Variants in ZNF57 observed in about 807,000 individuals in gnomAD.
ZNF57 encodes zinc finger protein 57.
A neutral mutation model predicts 13.4 loss-of-function variants in ZNF57; 11 were observed. The ratio of observed to expected loss-of-function variants is 0.82; its 90% CI spans 0.52 to 1.36. ZNF57 has a LOEUF of 1.36. Among genes scored for constraint, ZNF57 ranks in the 40% most tolerant of loss-of-function variants. ZNF57 has a pLI of 0.00. For synonymous variants in ZNF57, 224 were observed against 238.5 expected (o/e 0.94, Z 0.56); for missense variants, 696 against 667.5 (o/e 1.04, Z -0.47).
intron 1 of ZNF57, among the ~76,000 whole-genome samples, chr19:2,911,567 G>A (rs1358261812): frequency 6.6e-6 from 1 of 151,806 alleles, no homozygotes; most frequent in South Asian, 2.1e-4. Flanking sequence ...AAAAAACTTT[G>A]TAAAGACAGG....
rs145684896 is a variant in ZNF57 at position 2,901,004 on chromosome 19, C to G, written c.-42C>G. 3.7e-3 allele frequency: 5,699 copies of G among 1,552,818 alleles called. 16 individuals carry two copies. Among genetic ancestry groups the G allele is most frequent in the Non-Finnish European group, 4.4e-3 (5,085 of 1,147,372 alleles). On this transcript the variant is annotated 5_prime_UTR_variant, in exon 1 of 4. Coordinates refer to ENST00000306908, the MANE Select transcript of ZNF57 (RefSeq NM_173480.3). ...CCTTTCAGCTGCGCCGGCCGCGAGG[C>G]CACGGAGAGCTCGCCTTGGAGAGCC...
At chr19:2,911,426 G>T (rs960019724) in intron 1 of ZNF57, among the ~76,000 whole-genome samples, 3 of 152,056 alleles carry the variant, frequency 2.0e-5, no homozygotes, top group Non-Finnish European at 4.4e-5. Context: ...CCAGCTGCTC[G>T]GGAGGCTGAT....
chr19:2,905,132 A>G (rs1415810977), intron 1 of ZNF57, among the ~76,000 whole-genome samples: 2 of 152,096 alleles, frequency 1.3e-5, no homozygotes, highest in Middle Eastern at 3.4e-3. Flanking sequence ...GTGTTGGTCT[A>G]TTTGTCCATC....
rs796590616 is a variant in ZNF57, at chr19:2,910,793, C to A, written c.4-4729C>A. Among the ~76,000 whole-genome samples the A allele has an allele frequency of 4.1e-3, 229 of 56,000 alleles. 50 individuals carry two copies. The highest frequency in any genetic ancestry group is 9.2e-3 in the African/African-American group (188 of 20,364). The allele number at this position is 56,000 out of a possible 152,430, so 36.7% of individuals were successfully genotyped here. ...ATATTTTTAGTAGAGACGGGGTTTC[C>A]CTGTGTTGGCCAGGATGGTCTCCAT... On this transcript the variant is annotated intron_variant, in intron 1 of 3. Transcript: ENST00000306908.
intron 1 of ZNF57, 127 bp downstream of exon 1, chr19:2,901,175 C>T: frequency 8.0e-7 from 1 of 1,247,538 alleles, no homozygotes; most frequent in Middle Eastern, 2.6e-4. Flanking sequence ...GGACTAGCAC[C>T]TGGGACCCGG....
In ZNF57 at chr19:2,910,801, G is replaced by A. The variant is rs545177044; in HGVS notation, c.4-4721G>A. On this transcript the variant is annotated intron_variant, in intron 1 of 3. Coordinates refer to ENST00000306908, the MANE Select transcript of ZNF57 (RefSeq NM_173480.3). Reference sequence around the variant, plus strand: ...AGTAGAGACGGGGTTTCCCTGTGTTGGCCAGGATGGTCTCCATCTCCTGAC... The same window carrying A: ...AGTAGAGACGGGGTTTCCCTGTGTTAGCCAGGATGGTCTCCATCTCCTGAC... Among the ~76,000 whole-genome samples the A allele has an allele frequency of 5.0e-3, 256 of 51,228 alleles. 54 individuals are homozygous for A. The highest frequency in any genetic ancestry group is 0.011 in the African/African-American group (213 of 19,134). 33.6% of individuals were successfully genotyped at this position (51,228 alleles called of 152,430 possible).
chr19:2,917,139 G>A lies in ZNF57; in HGVS notation c.518G>A (p.Cys173Tyr), dbSNP rs764797396. 52 of 1,613,932 alleles carry A rather than the reference G, an allele frequency of 3.2e-5. No individual in the cohort carries two copies. The Admixed American group carries it at 8.2e-4, about 25-fold the overall frequency. Residue 173 changes from cysteine (C) to tyrosine (Y), a missense_variant, in exon 4 of 4, where the codon TGT becomes TAT. Physicochemically the swap from Cys to Tyr is radical, Grantham distance 194 (BLOSUM62 -2). Coordinates refer to ENST00000306908, the MANE Select transcript of ZNF57 (RefSeq NM_173480.3). ...CGRKAPPGEE[C>Y]KQACICPSHL... Reference sequence around the variant, plus strand: ...CGAAAAGCACCTCCAGGTGAGGAATGTAAGCAGGCCTGCATTTGTCCCTCA... The same window carrying A: ...CGAAAAGCACCTCCAGGTGAGGAATATAAGCAGGCCTGCATTTGTCCCTCA...
Position 2,917,533 on chromosome 19 carries a change from A to G in ZNF57, c.912A>G (p.Gly304=), listed in dbSNP as rs2088218400. 6.2e-7 allele frequency: 1 copy of G among 1,614,110 alleles called. No homozygotes were observed. The highest frequency in any genetic ancestry group is 2.2e-5 in the East Asian group (1 of 44,872). ...AAAGACATGAGAAGACGCACACGGG[A>G]GAGAAGCCCTATGAATGCAAGCAGT... is the stretch of plus-strand genomic sequence containing the variant. ...AFQRHEKTHT[G]EKPYECKQCG... is the part of the protein sequence containing the mutation. The change falls in exon 4 of 4, where the codon GGA becomes GGG. Residue 304 remains glycine, a synonymous_variant. Transcript: ENST00000306908.
intron 1 of ZNF57, among the ~76,000 whole-genome samples, chr19:2,909,410 A>G (rs2088113914): frequency 1.6e-5 from 1 of 62,776 alleles, no homozygotes; most frequent in Admixed American, 1.8e-4. Flanking sequence ...CCTCCCGAGT[A>G]GCTGGGACTA....
At chr19:2,909,297 T>C (rs1466812363) in intron 1 of ZNF57, among the ~76,000 whole-genome samples, 1 of 134,846 alleles carries the variant, frequency 7.4e-6, no homozygotes, top group African/African-American at 2.7e-5. Flanking sequence ...TTTTTTTTTT[T>C]TGAGACAGAG....
At position 2,917,194 on chromosome 19, in the gene ZNF57, T is replaced by C. The variant is rs1430418334; in HGVS notation, c.573T>C (p.Thr191=). The C allele has an allele frequency of 1.2e-6, 2 of 1,614,080 alleles. No homozygotes were observed. The highest frequency in any genetic ancestry group is 1.3e-5 in the African/African-American group (1 of 74,926). ...SHLHSHGRTD[T]EEKPYKCQAC... ...TACACAGTCACGGAAGAACTGACAC[T>C]GAGGAGAAGCCGTATAAGTGTCAAG... Residue 191 remains threonine, a synonymous_variant, in exon 4 of 4, where the codon ACT becomes ACC. Coordinates refer to ENST00000306908, the MANE Select transcript of ZNF57 (RefSeq NM_173480.3).
At chr19:2,913,166 C>G (rs1025899898) in intron 1 of ZNF57, among the ~76,000 whole-genome samples, 2 of 152,174 alleles carry the variant, frequency 1.3e-5, no homozygotes, top group Non-Finnish European at 2.9e-5. Flanking sequence ...ATTGGCTCAG[C>G]TGGTCTCAAA....
At chr19:2,914,573 A>C (rs966854863) in intron 1 of ZNF57, among the ~76,000 whole-genome samples, 2 of 152,124 alleles carry the variant, frequency 1.3e-5, no homozygotes, top group Non-Finnish European at 2.9e-5. Context: ...CATTTTCATT[A>C]AGTATTTTCT....
chr19:2,915,759 G>A (rs1206337248), intron 2 of ZNF57, 111 bp downstream of exon 2: 1 of 1,496,022 alleles, frequency 6.7e-7, no homozygotes, highest in African/African-American at 1.4e-5. Flanking sequence ...CATGTTCACA[G>A]CCACCATGGA....
Position 2,917,453 on chromosome 19 carries a change from A to T in ZNF57, c.832A>T (p.Lys278Ter), listed in dbSNP as rs914594211. The T allele has an allele frequency of 3.7e-6, 6 of 1,614,060 alleles. No homozygotes were observed. The African/African-American group carries it at 8.0e-5, about 22-fold the overall frequency. The part of the protein sequence containing the change: ...QRHMTTHTGE[K>*]PYKCQHCGKA... ...ACACATGACAACACACACTGGAGAG[A>T]AGCCCTATAAATGTCAGCACTGTGG... is the stretch of plus-strand genomic sequence containing the variant. Residue 278 changes from lysine to a stop codon, truncating the protein, a stop_gained, in exon 4 of 4, where the codon AAG (lysine) becomes TAG (stop). Coordinates refer to ENST00000306908, the MANE Select transcript of ZNF57 (RefSeq NM_173480.3). LOFTEE classifies it low-confidence loss of function (END_TRUNC).
intron 1 of ZNF57, among the ~76,000 whole-genome samples, chr19:2,909,267 T>TTTTA (rs1394506050): frequency 4.9e-4 from 66 of 135,636 alleles, no homozygotes; most frequent in Non-Finnish European, 7.5e-4. Context: ...ATAGATTTTA[T>TTTTA]TTTATTTATT....
intron 3 of ZNF57, chr19:2,916,660 G>A (rs1246011827): frequency 3.6e-6 from 1 of 281,636 alleles, no homozygotes; most frequent in Non-Finnish European, 6.6e-6. Flanking sequence ...AGCTTGCAGT[G>A]AGCTGAGATT....
intron 1 of ZNF57, among the ~76,000 whole-genome samples, chr19:2,910,457 C>CTTTTTTTTTTT (rs1212426647): frequency 2.3e-4 from 2 of 8,634 alleles, no homozygotes; most frequent in African/African-American, 5.4e-4. Context: ...CTTTTCTTTT[C>CTTTTTTTTTTT]TTTTTTTTTT....
At chr19:2,907,225 C>T (rs969507191) in intron 1 of ZNF57, 4 of 152,140 alleles carry the variant, frequency 2.6e-5, no homozygotes, top group South Asian at 2.1e-4. Context: ...TTGCTCTGGC[C>T]GTGGGTGTTG....
Sources: gnomAD v4.1 joint callset for allele counts (sites outside exome capture counted in the v4.1 genomes callset) on GRCh38, gnomAD v4.1.1 for gene constraint, MANE v1.5 for transcripts, NCBI Gene and HGNC (gene_info 2026-07-23, HGNC 2026-07-21) for gene names.